NCAPH2: variants seen among roughly 807,000 people sequenced by gnomAD.
The protein encoded by NCAPH2 is condensin-2 complex subunit H2.
In NCAPH2, 56 loss-of-function variants were observed where a neutral mutation model predicts 88.6. The observed-to-expected ratio is 0.63, with a 90% CI of 0.51 to 0.79. The LOEUF (loss-of-function observed/expected upper bound fraction) is 0.79. NCAPH2 is among the 30% of genes least tolerant of loss of function. The pLI is 0.00. For synonymous variants in NCAPH2, 378 were observed against 313.6 expected (o/e 1.21, Z -2.17); for missense variants, 794 against 792.0 (o/e 1.00, Z -0.03).
At chr22:50,517,895 T>G in intron 5 of NCAPH2, 78 bp from the exon 6 acceptor site, 2 of 1,602,220 alleles carry the variant, frequency 1.2e-6, no homozygotes, top group Non-Finnish European at 1.7e-6. Flanking sequence ...TGTGGGAAGG[T>G]GTCATTGCCC....
chr22:50,522,918 A>G lies in NCAPH2; in HGVS notation c.1523A>G (p.Glu508Gly), dbSNP rs892144001. 10 of 1,613,054 alleles carry G rather than the reference A, an allele frequency of 6.2e-6. No homozygotes were observed. Among genetic ancestry groups the G allele is most frequent in the Non-Finnish European group, 8.5e-6 (10 of 1,179,996 alleles). ...GACACAGTGCAGCCTCTGCTCCAGGAGCAGGTGAGGCGGGGCCGCTGGGAA... is the reference window on the plus strand; with the variant it reads ...GACACAGTGCAGCCTCTGCTCCAGGGGCAGGTGAGGCGGGGCCGCTGGGAA... ...WEDTVQPLLQEQEQHVPFDIH... is the reference protein window; with the variant it reads ...WEDTVQPLLQGQEQHVPFDIH... Residue 508 changes from glutamate to glycine, a missense_variant, in exon 18 of 20, where the codon GAG becomes GGG. Around this residue, in one of 2 missense-constraint regions of NCAPH2, gnomAD observed 735 missense variants for 696.3 expected, o/e 1.06. Coordinates refer to ENST00000420993, the MANE Select transcript of NCAPH2 (RefSeq NM_152299.4).
chr22:50,512,738 GT>G (rs1479303729), intron 1 of NCAPH2, among the ~76,000 whole-genome samples: 2 of 151,892 alleles, frequency 1.3e-5, no homozygotes, highest in Non-Finnish European at 2.9e-5. Context: ...TAGAGATGGG[GT>G]GTCACTGTGT....
In NCAPH2 at chr22:50,523,444, C is replaced by T. The variant is rs1401620554; in HGVS notation, c.*69C>T. ...GCCGTGTGTCTGCTCCTGGCTGGCCCGGCCTAATAAAGCAGTGTTGCCATC... is the reference window on the plus strand; with the variant it reads ...GCCGTGTGTCTGCTCCTGGCTGGCCTGGCCTAATAAAGCAGTGTTGCCATC... On this transcript the variant is annotated 3_prime_UTR_variant, in exon 20 of 20. Transcript: ENST00000420993. 26 of 1,522,876 alleles carry T rather than the reference C, an allele frequency of 1.7e-5. No individual in the cohort carries two copies. Among genetic ancestry groups the T allele is most frequent in the South Asian group, 1.2e-4 (10 of 81,506 alleles). The allele number at this position is 1,522,876 out of a possible 1,614,324, so 94.3% of individuals were successfully genotyped here. A position where few individuals can be genotyped will look rare whatever the true frequency, so the allele number is the denominator to read the frequency against.
At chr22:50,508,494 C>CCGGGGGGGG in intron 1 of NCAPH2, 49 bp downstream of exon 1, 1 of 275,386 alleles carries the variant, frequency 3.6e-6, no homozygotes, top group African/African-American at 2.4e-5. Context: ...GGTGGGGCTG[C>CCGGGGGGGG]GGGGCGGGGG....
At position 50,523,247 on chromosome 22, in the gene NCAPH2, A is replaced by G; in HGVS notation, c.1690A>G (p.Thr564Ala). The G allele has an allele frequency of 6.2e-7, 1 of 1,612,956 alleles. No homozygotes were observed. The highest frequency in any genetic ancestry group is 8.5e-7 in the Non-Finnish European group (1 of 1,179,650). ...GCCACCCCTGCAGGCCAATGACTAC[A>G]CAGTGGAGATAACCCAGCAGCCCGG... ...LASLQLANDY[T>A]VEITQQPGLE... is the part of the protein sequence containing the mutation. Residue 564 changes from threonine (T) to alanine (A), a missense_variant, in exon 20 of 20, where the codon ACA becomes GCA. By Grantham distance (58) the Thr-to-Ala change is moderately conservative (BLOSUM62 0). Coordinates refer to ENST00000420993, the MANE Select transcript of NCAPH2 (RefSeq NM_152299.4).
rs779613970 is a variant in NCAPH2, at chr22:50,523,803, G to A, written c.*428G>A. ...CTGCATTGTAGTACACGCGGTAACT[G>A]TGACTAGCCTGGGCAACCTGTTTGG... On this transcript the variant is annotated 3_prime_UTR_variant, in exon 20 of 20. Coordinates refer to ENST00000420993, the MANE Select transcript of NCAPH2 (RefSeq NM_152299.4). The A allele has an allele frequency of 1.9e-6, 3 of 1,614,006 alleles. No homozygotes were observed. In the African/African-American group the frequency reaches 4.0e-5, roughly 22 times the overall value.
chr22:50,518,874 C>G, intron 8 of NCAPH2, 142 bp downstream of exon 8: 2 of 889,942 alleles, frequency 2.2e-6, no homozygotes, highest in Non-Finnish European at 3.3e-6. Flanking sequence ...AGTGAGGCCT[C>G]GCCCCGGGGA....
At chr22:50,516,838 C>G (rs2068937855) in intron 2 of NCAPH2, among the ~76,000 whole-genome samples, 1 of 152,240 alleles carries the variant, frequency 6.6e-6, no homozygotes, top group Non-Finnish European at 1.5e-5. Flanking sequence ...CCCACCTTCC[C>G]CTTCCCCGTC....
Position 50,517,467 on chromosome 22 carries a change from TC to T in NCAPH2, c.252del (p.Phe84LeufsTer98). On this transcript the variant is annotated frameshift_variant, in exon 3 of 20. Transcript: ENST00000420993. LOFTEE classifies it high-confidence loss of function. The stretch of plus-strand genomic sequence containing the variant: ...TCACTCGTCTACCAGGCCCTTGATT[TC>T]ATCTCTGGAAAGAGGTGAGTTCTGC... ...LYSLVYQALD[F>X]ISGKRRAKQL... is the part of the protein sequence containing the mutation. 1 of 1,614,068 alleles carries T rather than the reference TC, an allele frequency of 6.2e-7. No homozygotes were observed. The highest frequency in any genetic ancestry group is 8.5e-7 in the Non-Finnish European group (1 of 1,180,032).
Position 50,516,558 on chromosome 22 carries a change from G to A in NCAPH2, c.210+10G>A. On this transcript the variant is annotated intron_variant, in intron 2 of 19. Transcript: ENST00000420993. The stretch of plus-strand genomic sequence containing the variant: ...CGTCTACAGTAAGAAGGTGGGCCCT[G>A]CTTGACGCTGGTCTTGGCATTTTGG... The A allele has an allele frequency of 6.2e-7, 1 of 1,613,292 alleles. No homozygotes were observed. Among genetic ancestry groups the A allele is most frequent in the Non-Finnish European group, 8.5e-7 (1 of 1,179,372 alleles).
intron 9 of NCAPH2, 42 bp from the exon 10 acceptor site, chr22:50,520,923 G>A: frequency 6.5e-7 from 1 of 1,547,820 alleles, no homozygotes; most frequent in Non-Finnish European, 8.7e-7. Context: ...AGCCTTGAGG[G>A]GAGAAAGAGG....
intron 9 of NCAPH2, among the ~76,000 whole-genome samples, chr22:50,520,137 T>C (rs1157859475): frequency 6.6e-6 from 1 of 152,252 alleles, no homozygotes; most frequent in Non-Finnish European, 1.5e-5. Context: ...CCCAAAGCAC[T>C]GGGATTACAG....
rs373870538 is a variant in NCAPH2 at position 50,517,577 on chromosome 22, G to A, written c.267G>A (p.Arg89=). The A allele has an allele frequency of 2.5e-6, 4 of 1,613,934 alleles. No homozygotes were observed. Among genetic ancestry groups the A allele is most frequent in the East Asian group, 2.2e-5 (1 of 44,890 alleles). ...YQALDFISGK[R]RAKQLSSVQE... is the part of the protein sequence containing the mutation. ...CCCACGGGATGTGCTTCTCTCTCAGGCGGGCCAAGCAGCTCTCTTCGGTGC... is the reference window on the plus strand; with the variant it reads ...CCCACGGGATGTGCTTCTCTCTCAGACGGGCCAAGCAGCTCTCTTCGGTGC... The change falls in exon 4 of 20, where the codon AGG becomes AGA. Residue 89 remains arginine (R), a splice_region_variant and synonymous_variant. Transcript: ENST00000420993.
intron 8 of NCAPH2, among the ~76,000 whole-genome samples, 183 bp downstream of exon 8, chr22:50,518,915 C>T (rs2069004465): frequency 1.3e-5 from 2 of 152,160 alleles, no homozygotes; most frequent in African/African-American, 4.8e-5. Flanking sequence ...AGCCTCAGCC[C>T]ATCTTGGTTC....
intron 1 of NCAPH2, among the ~76,000 whole-genome samples, chr22:50,510,107 G>T (rs2068744410): frequency 6.6e-6 from 1 of 152,110 alleles, no homozygotes; most frequent in South Asian, 2.1e-4. Flanking sequence ...TATTTTAGTA[G>T]AGACAGGGTT....
intron 7 of NCAPH2, among the ~76,000 whole-genome samples, 169 bp downstream of exon 7, chr22:50,518,447 G>A (rs1158369174): frequency 6.6e-6 from 1 of 152,138 alleles, no homozygotes; most frequent in African/African-American, 2.4e-5. Context: ...CATCTGCTGT[G>A]CCTTGATTAC....
intron 5 of NCAPH2, 36 bp downstream of exon 5, chr22:50,517,845 AG>A: frequency 6.2e-7 from 1 of 1,610,670 alleles, no homozygotes; most frequent in South Asian, 1.1e-5. Flanking sequence ...GGCTGGGGTG[AG>A]GTCAGCACTT....
chr22:50,521,741 G>A lies in NCAPH2; in HGVS notation c.1001G>A (p.Gly334Asp), dbSNP rs1233967190. The A allele has an allele frequency of 1.2e-6, 2 of 1,613,788 alleles. No individual in the cohort carries two copies. Among genetic ancestry groups the A allele is most frequent in the Non-Finnish European group, 1.7e-6 (2 of 1,180,014 alleles). ...DSLESKPFKK[G>D]RPYSVPPCVE... is the part of the protein sequence containing the mutation. Reference sequence around the variant, plus strand: ...TAAGACAGTCCCTGTTTGCCCCCAGGTAGGCCTTACTCTGTGCCCCCCTGT... The same window carrying A: ...TAAGACAGTCCCTGTTTGCCCCCAGATAGGCCTTACTCTGTGCCCCCCTGT... The change falls in exon 12 of 20, where the codon GGT (glycine) becomes GAT (aspartate). Residue 334 changes from glycine to aspartate, a missense_variant and splice_region_variant. By Grantham distance (94) the Gly-to-Asp change is moderately conservative. Transcript: ENST00000420993.
chr22:50,512,563 T>G (rs1430127045), intron 1 of NCAPH2, among the ~76,000 whole-genome samples: 1 of 151,474 alleles, frequency 6.6e-6, no homozygotes, highest in Non-Finnish European at 1.5e-5. Context: ...TTTTGTTTTT[T>G]TTTTTTAGAT....
Sources: gnomAD v4.1 joint callset for allele counts (sites outside exome capture counted in the v4.1 genomes callset) on GRCh38, gnomAD v4.1.1 for gene constraint, gnomAD v4.1.1 regional missense constraint, MANE v1.5 for transcripts, NCBI Gene and HGNC (gene_info 2026-07-23, HGNC 2026-07-21) for gene names.